The following KALRN variants were observed in gnomAD, a reference collection of about 807,000 sequenced individuals.
KALRN encodes the protein kalirin RhoGEF kinase.
In KALRN, 70 loss-of-function variants were observed where a neutral mutation model predicts 353.7. The observed-to-expected ratio is 0.20, with a 90% CI of 0.16 to 0.24. The LOEUF (loss-of-function observed/expected upper bound fraction) is 0.24. KALRN is among the 10% of genes least tolerant of loss of function. The probability of loss-of-function intolerance (pLI) is 1.00; values close to 1 mark genes in which losing one functional copy is unlikely to be tolerated. For missense variants in KALRN, 2,791 were observed against 3,756.7 expected, an observed-to-expected ratio of 0.74 and a Z score of 6.72; for synonymous variants, 1,391 against 1,434.8, an observed-to-expected ratio of 0.97 and a Z score of 0.69.
At chr3:124,643,911 G>A (rs1323059934) in intron 37 of KALRN, among the ~76,000 whole-genome samples, 1 of 152,188 alleles carries the variant, frequency 6.6e-6, no homozygotes, top group African/African-American at 2.4e-5. Flanking sequence ...TTTTGAGTAT[G>A]TGTGACAAAA....
chr3:124,639,313 G>A (rs569014657), intron 37 of KALRN, among the ~76,000 whole-genome samples: 101 of 152,204 alleles, frequency 6.6e-4, no homozygotes, highest in Non-Finnish European at 1.3e-3. Context: ...AATTACTAAA[G>A]CCACATACTG....
At chr3:124,052,611 C>A (rs2041147272) in intron 1 of KALRN, among the ~76,000 whole-genome samples, 1 of 152,050 alleles carries the variant, frequency 6.6e-6, no homozygotes, top group Non-Finnish European at 1.5e-5. Flanking sequence ...GGTAAATTGC[C>A]ATCTTGGCTC....
intron 9 of KALRN, among the ~76,000 whole-genome samples, chr3:124,339,738 G>A (rs1344100530): frequency 6.6e-6 from 1 of 152,212 alleles, no homozygotes; most frequent in Non-Finnish European, 1.5e-5. Flanking sequence ...ATTTACATCA[G>A]AATAATGGCT....
intron 6 of KALRN, among the ~76,000 whole-genome samples, chr3:124,306,827 AAGGAAGT>A (rs1266260311): frequency 2.6e-5 from 4 of 152,196 alleles, no homozygotes; most frequent in South Asian, 2.1e-4. Flanking sequence ...TGGAGGTCCA[AAGGAAGT>A]AGGACAACAT....
intron 21 of KALRN, among the ~76,000 whole-genome samples, chr3:124,453,275 C>T (rs1200961661): frequency 1.3e-5 from 2 of 152,140 alleles, no homozygotes; most frequent in Non-Finnish European, 1.5e-5. Context: ...TCCTTCACAC[C>T]AAAGCTCTTG....
chr3:124,519,030 C>T, intron 33 of KALRN: 2 of 986,060 alleles, frequency 2.0e-6, no homozygotes, highest in Non-Finnish European at 2.4e-6. Context: ...CTTTCCCAAA[C>T]ACTGGCAACA....
At chr3:124,502,255 C>T (rs1220834299) in intron 33 of KALRN, among the ~76,000 whole-genome samples, 1 of 152,176 alleles carries the variant, frequency 6.6e-6, no homozygotes, top group Admixed American at 6.5e-5. Context: ...AGGATGTGCT[C>T]CTACGGGGGG....
intron 10 of KALRN, among the ~76,000 whole-genome samples, chr3:124,353,938 G>T (rs1465770609): frequency 6.6e-6 from 1 of 152,228 alleles, no homozygotes; most frequent in Non-Finnish European, 1.5e-5. Flanking sequence ...GCACTAGGGA[G>T]AAGTTACTGG....
chr3:124,038,974 A>G (rs2149065758), intron 1 of KALRN, among the ~76,000 whole-genome samples: 1 of 152,146 alleles, frequency 6.6e-6, no homozygotes, highest in Non-Finnish European at 1.5e-5. Context: ...GCCCCCATGG[A>G]CTCCTTTCCT....
At chr3:124,264,731 C>T (rs1256790247) in intron 4 of KALRN, 41 bp downstream of exon 4, 2 of 1,536,656 alleles carry the variant, frequency 1.3e-6, no homozygotes, top group East Asian at 2.2e-5. Flanking sequence ...CTTTCCCTTC[C>T]CCTTCTGCCA....
chr3:124,629,798 T>C (rs867864277), intron 34 of KALRN, among the ~76,000 whole-genome samples: 1 of 79,902 alleles, frequency 1.3e-5, no homozygotes, highest in African/African-American at 5.7e-5. Flanking sequence ...TTTTCATTTT[T>C]TCTCTCTCTC....
intron 2 of KALRN, among the ~76,000 whole-genome samples, chr3:124,229,628 G>A (rs1301889972): frequency 1.3e-5 from 2 of 152,224 alleles, no homozygotes; most frequent in Non-Finnish European, 2.9e-5. Flanking sequence ...GCGGGAAGAG[G>A]ATAAAGGAAA....
intron 6 of KALRN, among the ~76,000 whole-genome samples, chr3:124,302,128 C>T (rs1014924101): frequency 2.6e-5 from 4 of 152,152 alleles, no homozygotes; most frequent in Non-Finnish European, 4.4e-5. Context: ...GTTCTAAGAA[C>T]CTTATCTCTT....
chr3:124,211,333 G>A (rs1324450147), intron 1 of KALRN, among the ~76,000 whole-genome samples: 2 of 152,220 alleles, frequency 1.3e-5, no homozygotes, highest in Non-Finnish European at 2.9e-5. Flanking sequence ...TCCAGATGTT[G>A]ATTAGGGCAT....
intron 42 of KALRN, 32 bp downstream of exon 42, chr3:124,658,549 GGGA>G: frequency 3.2e-6 from 5 of 1,576,742 alleles, no homozygotes; most frequent in Non-Finnish European, 4.4e-6. Context: ...GAACTGGGGT[GGGA>G]GGAAAACTCA....
intron 28 of KALRN, among the ~76,000 whole-genome samples, chr3:124,484,818 T>C (rs146955379): frequency 6.6e-6 from 1 of 152,340 alleles, no homozygotes; most frequent in African/African-American, 2.4e-5. Context: ...AAATTATTTT[T>C]CATGGTCGGG....
At chr3:124,599,144 A>G (rs1363976505) in intron 34 of KALRN, among the ~76,000 whole-genome samples, 1 of 152,170 alleles carries the variant, frequency 6.6e-6, no homozygotes, top group Non-Finnish European at 1.5e-5. Context: ...AGTGGGTATT[A>G]TTTGTGTTCT....
chr3:124,600,463 C>T (rs1169924955), intron 34 of KALRN, among the ~76,000 whole-genome samples: 1 of 152,214 alleles, frequency 6.6e-6, no homozygotes, highest in African/African-American at 2.4e-5. Flanking sequence ...ATTTCAAAGA[C>T]AGGACAGGGC....
chr3:124,533,298 A>G (rs1296200748), intron 33 of KALRN, among the ~76,000 whole-genome samples: 1 of 152,120 alleles, frequency 6.6e-6, no homozygotes, highest in Admixed American at 6.6e-5. Context: ...TCAGAAATTA[A>G]CATATATGCT....
Sources: allele counts gnomAD v4.1 joint callset (sites outside exome capture counted in the v4.1 genomes callset), GRCh38; gene constraint gnomAD v4.1.1; transcripts MANE v1.5; gene names NCBI Gene and HGNC (gene_info 2026-07-23, HGNC 2026-07-21).